Variants in FAM163B observed in about 807,000 individuals in gnomAD.
The protein encoded by FAM163B is family with sequence similarity 163 member B.
Under a neutral mutation model 7.6 loss-of-function variants are expected in FAM163B, and 4 were observed. The observed-to-expected ratio is 0.52, with a 90% CI of 0.26 to 1.20. FAM163B has a LOEUF of 1.20. Among genes scored for constraint, FAM163B ranks in the 50% most tolerant of loss-of-function variants. The pLI is 0.14. For synonymous variants in FAM163B, 120 were observed against 111.6 expected, an observed-to-expected ratio of 1.07 and a Z score of -0.47; for missense variants, 250 against 243.0, an observed-to-expected ratio of 1.03 and a Z score of -0.19.
In FAM163B at chr9:133,601,994, T is replaced by C. The variant is rs983296776; in HGVS notation, c.-24+7083A>G. 1.3e-5 allele frequency among the ~76,000 whole-genome samples: 2 copies of C among 152,158 alleles called. No homozygotes were observed. Among genetic ancestry groups the C allele is most frequent in the African/African-American group, 4.8e-5 (2 of 41,446 alleles). On this transcript the variant is annotated intron_variant, in intron 1 of 2. Transcript: ENST00000673969. The surrounding 1 kb of genome is among the most constrained non-coding windows in gnomAD (Gnocchi z 4.1). ...AGCTGGGGGCTGGCAGGGTCTGTCC[T>C]GGGTGGGGCTCCACGGGCCGCACCG...
intron 1 of FAM163B, among the ~76,000 whole-genome samples, chr9:133,596,595 A>G (rs1176671204): frequency 6.6e-6 from 1 of 152,112 alleles, no homozygotes; most frequent in Non-Finnish European, 1.5e-5. Context: ...TCCAGCTGGA[A>G]TCCCAGGCTA....
rs2131268664 is a variant in FAM163B at position 133,609,191 on chromosome 9, C to T, written c.-138G>A. Among the ~76,000 whole-genome samples, 1 of 151,836 alleles carries T rather than the reference C, an allele frequency of 6.6e-6. No homozygotes were observed. Among genetic ancestry groups the T allele is most frequent in the East Asian group, 1.9e-4 (1 of 5,162 alleles). Reference sequence around the variant, plus strand: ...CTAGCGGCGGCCGCTCATGCCCAGGCCACGGCGGTGGCGCCTGGTGTGGCT... The same window carrying T: ...CTAGCGGCGGCCGCTCATGCCCAGGTCACGGCGGTGGCGCCTGGTGTGGCT... On this transcript the variant is annotated 5_prime_UTR_variant, in exon 1 of 3. Transcript: ENST00000673969.
intron 1 of FAM163B, among the ~76,000 whole-genome samples, chr9:133,591,638 G>C (rs1444188437): frequency 6.6e-6 from 1 of 152,196 alleles, no homozygotes; most frequent in Non-Finnish European, 1.5e-5. Context: ...ACTCAGGGGG[G>C]CGGAGAACAT....
intron 1 of FAM163B, among the ~76,000 whole-genome samples, chr9:133,594,616 T>C (rs1831604391): frequency 6.6e-6 from 1 of 152,200 alleles, no homozygotes; most frequent in Admixed American, 6.5e-5. Flanking sequence ...GCAGCAAATA[T>C]TCTTTCAGCT....
intron 1 of FAM163B, among the ~76,000 whole-genome samples, chr9:133,602,800 A>G (rs1283322336): frequency 6.6e-6 from 1 of 152,228 alleles, no homozygotes; most frequent in Non-Finnish European, 1.5e-5. Flanking sequence ...ACAGTCGACA[A>G]TGTTGCAGAG....
Position 133,578,955 on chromosome 9 carries a change from G to C in FAM163B, c.*67C>G. The C allele has an allele frequency of 6.9e-7, 1 of 1,442,122 alleles. No individual in the cohort carries two copies. The highest frequency in any genetic ancestry group is 2.8e-5 in the Admixed American group (1 of 35,378). The allele number at this position is 1,442,122 out of a possible 1,614,324, so 89.3% of individuals were successfully genotyped here. A position where few individuals can be genotyped will look rare whatever the true frequency, so the allele number is the denominator to read the frequency against. ...CCACTTGGGGCCTGGGGCCAGGTGG[G>C]TGTGCCAAAGGAATCCCCCCATTGT... On this transcript the variant is annotated 3_prime_UTR_variant, in exon 3 of 3. Transcript: ENST00000673969.
At chr9:133,595,224 C>A (rs1196579131) in intron 1 of FAM163B, among the ~76,000 whole-genome samples, 2 of 152,232 alleles carry the variant, frequency 1.3e-5, no homozygotes, top group Non-Finnish European at 2.9e-5. Flanking sequence ...CAGCTCATTG[C>A]AACCTCTGCC....
chr9:133,583,674 G>A (rs984491562), intron 1 of FAM163B, among the ~76,000 whole-genome samples: 2 of 152,216 alleles, frequency 1.3e-5, no homozygotes, highest in African/African-American at 2.4e-5. Flanking sequence ...GCTCCGCCTG[G>A]CTGCAGCTCC....
At position 133,578,577 on chromosome 9, in the gene FAM163B, C is replaced by A; in HGVS notation, c.*445G>T. ...GAGCAGAATCCTTGGTCTGCAATTG[C>A]CAGGGAGGGCCTTGCTGCAGGGCCC... On this transcript the variant is annotated 3_prime_UTR_variant, in exon 3 of 3. Transcript: ENST00000673969. 1 of 167,082 alleles carries A rather than the reference C, an allele frequency of 6.0e-6. No individual in the cohort carries two copies. Among genetic ancestry groups the A allele is most frequent in the African/African-American group, 2.4e-5 (1 of 42,092 alleles). 10.3% of individuals were successfully genotyped at this position (167,082 alleles called of 1,614,324 possible).
chr9:133,580,099 G>C, intron 2 of FAM163B, 32 bp downstream of exon 2: 1 of 1,589,862 alleles, frequency 6.3e-7, no homozygotes, highest in South Asian at 1.1e-5. Flanking sequence ...GGGCCTCCCT[G>C]CCCTGTCCCC....
At chr9:133,584,541 G>A (rs1231316561) in intron 1 of FAM163B, among the ~76,000 whole-genome samples, 2 of 152,228 alleles carry the variant, frequency 1.3e-5, no homozygotes, top group African/African-American at 2.4e-5. Context: ...AAAGCCAGAT[G>A]ACACCCTCCA....
rs564432323 is a variant in FAM163B, at chr9:133,606,052, G to C, written c.-24+3025C>G. 9.2e-5 allele frequency among the ~76,000 whole-genome samples: 14 copies of C among 152,302 alleles called. No homozygotes were observed. The East Asian group carries it at 2.5e-3, about 27-fold the overall frequency. On this transcript the variant is annotated intron_variant, in intron 1 of 2. Transcript: ENST00000673969. This position sits in a 1 kb window ranked among gnomAD's most constrained non-coding sequence, Gnocchi z 4.0. Reference sequence around the variant, plus strand: ...GCGGAAAGCCCAACCACTGAGCAGGGCTTACAAGCCTGGCGGAACCGGACC... The same window carrying C: ...GCGGAAAGCCCAACCACTGAGCAGGCCTTACAAGCCTGGCGGAACCGGACC...
intron 1 of FAM163B, among the ~76,000 whole-genome samples, chr9:133,582,278 C>T (rs999527405): frequency 2.0e-4 from 30 of 152,356 alleles, no homozygotes; most frequent in Non-Finnish European, 2.9e-4. Context: ...TGCCTTTCTA[C>T]GTGGAAACTT....
intron 1 of FAM163B, among the ~76,000 whole-genome samples, chr9:133,582,816 G>A (rs1831376023): frequency 6.6e-6 from 1 of 152,244 alleles, no homozygotes; most frequent in African/African-American, 2.4e-5. Flanking sequence ...CTTGGGTAGA[G>A]ACATGAGTGC....
At position 133,609,096 on chromosome 9, in the gene FAM163B, G is replaced by A. The variant is rs953382474; in HGVS notation, c.-43C>T. On this transcript the variant is annotated 5_prime_UTR_variant, in exon 1 of 3. Transcript: ENST00000673969. ...CCTTACCTTGAAGCATGGGAACCGC[G>A]CTGCCCCGGCCGCGAGGACTTGGGC... Among the ~76,000 whole-genome samples, 28 of 152,282 alleles carry A rather than the reference G, an allele frequency of 1.8e-4. No individual in the cohort carries two copies. Among genetic ancestry groups the A allele is most frequent in the Non-Finnish European group, 3.7e-4 (25 of 68,002 alleles).
At chr9:133,596,420 G>A (rs1353254187) in intron 1 of FAM163B, among the ~76,000 whole-genome samples, 1 of 144,036 alleles carries the variant, frequency 6.9e-6, no homozygotes, top group Non-Finnish European at 1.5e-5. Flanking sequence ...GGCGGGGGTG[G>A]CTCACCCTTG....
intron 1 of FAM163B, among the ~76,000 whole-genome samples, chr9:133,603,829 A>ATTTCT (rs1324618496): frequency 6.6e-6 from 1 of 151,948 alleles, no homozygotes; most frequent in African/African-American, 2.4e-5. Context: ...TTGCATTGCT[A>ATTTCT]TTTCTTTTCT....
chr9:133,583,621 G>A (rs17136253), intron 1 of FAM163B, among the ~76,000 whole-genome samples: 16,958 of 152,188 alleles, frequency 0.11, 1,287 homozygotes, highest in East Asian at 0.38. Flanking sequence ...GGCCCCGCTC[G>A]CCGCAAAGCT....
rs1831697099 is a variant in FAM163B at position 133,600,089 on chromosome 9, A to C, written c.-24+8988T>G. On this transcript the variant is annotated intron_variant, in intron 1 of 2. Coordinates refer to ENST00000673969, the MANE Select transcript of FAM163B (RefSeq NM_001080515.3). This position sits in a 1 kb window ranked among gnomAD's most constrained non-coding sequence, Gnocchi z 4.9. Reference sequence around the variant, plus strand: ...TGTGCATGTGTGTGTGTCTGTGTGCATGTGTGCCTCTGAATGTGTGTGGTC... The same window carrying C: ...TGTGCATGTGTGTGTGTCTGTGTGCCTGTGTGCCTCTGAATGTGTGTGGTC... 6.9e-6 allele frequency among the ~76,000 whole-genome samples: 1 copy of C among 144,082 alleles called. No individual in the cohort carries two copies. The highest frequency in any genetic ancestry group is 1.5e-5 in the Non-Finnish European group (1 of 66,658). 94.5% of individuals were successfully genotyped at this position (144,082 alleles called of 152,430 possible).
Sources: gnomAD v4.1 joint callset for allele counts (sites outside exome capture counted in the v4.1 genomes callset) on GRCh38, gnomAD v4.1.1 for gene constraint, Gnocchi (gnomAD v3.1) non-coding constraint, MANE v1.5 for transcripts, NCBI Gene and HGNC (gene_info 2026-07-23, HGNC 2026-07-21) for gene names.